Variants in CENATAC observed in about 807,000 individuals in gnomAD.
CENATAC encodes the protein coiled-coil domain containing 84.
In CENATAC, 53 loss-of-function variants were observed where a neutral mutation model predicts 53.7. The observed-to-expected ratio is 0.99, with a 90% confidence interval of 0.79 to 1.24. CENATAC has a LOEUF of 1.24. Among genes scored for constraint, CENATAC ranks in the 50% most tolerant of loss-of-function variants. The pLI, the probability that CENATAC is intolerant of heterozygous loss-of-function variation, is 0.00. For synonymous variants in CENATAC, 156 were observed against 144.6 expected (o/e 1.08, Z -0.57); for missense variants, 474 against 417.8 (o/e 1.13, Z -1.17).
intron 3 of CENATAC, 43 bp downstream of exon 3, chr11:118,999,152 C>T (rs782303233): frequency 1.4e-6 from 2 of 1,453,748 alleles, no homozygotes; most frequent in South Asian, 1.1e-5. Flanking sequence ...AGTGAATTCT[C>T]TGGATCTTTG....
intron 3 of CENATAC, among the ~76,000 whole-genome samples, chr11:119,000,450 T>C (rs549601223): frequency 6.6e-6 from 1 of 152,026 alleles, no homozygotes; most frequent in Admixed American, 6.6e-5. Flanking sequence ...TTTTTTTTTT[T>C]TTTTTACAGT....
At chr11:119,013,517 G>A (rs553329092) in intron 8 of CENATAC, among the ~76,000 whole-genome samples, 2 of 148,912 alleles carry the variant, frequency 1.3e-5, no homozygotes, top group African/African-American at 5.0e-5. Context: ...AGGCTGGAGT[G>A]CAGTGGCGGG....
chr11:119,013,495 G>A (rs1377392881), intron 8 of CENATAC, among the ~76,000 whole-genome samples: 41 of 134,796 alleles, frequency 3.0e-4, no homozygotes, highest in Non-Finnish European at 4.5e-4. Context: ...ACGGAGTCTC[G>A]CTCTGTCGCC....
intron 8 of CENATAC, 29 bp downstream of exon 8, chr11:119,013,291 C>T (rs1201230978): frequency 2.5e-6 from 4 of 1,582,420 alleles, no homozygotes; most frequent in African/African-American, 1.4e-5. Context: ...TTTTTAAAAC[C>T]CTGGGAGATT....
intron 8 of CENATAC, among the ~76,000 whole-genome samples, 184 bp downstream of exon 8, chr11:119,013,446 C>T (rs567552001): frequency 6.7e-6 from 1 of 150,368 alleles, no homozygotes; most frequent in Non-Finnish European, 1.5e-5. Context: ...CAGGTGTGCA[C>T]CACCACACCC....
At chr11:119,003,621 CTTTTT>C (rs138779092) in intron 3 of CENATAC, 64 of 129,080 alleles carry the variant, frequency 5.0e-4, no homozygotes, top group Non-Finnish European at 7.7e-4. Context: ...ATTTCTCTCT[CTTTTT>C]TTTTTTTTTT....
intron 3 of CENATAC, among the ~76,000 whole-genome samples, chr11:119,006,982 T>C (rs1284713752): frequency 2.0e-5 from 3 of 152,224 alleles, no homozygotes; most frequent in Admixed American, 1.3e-4. Context: ...CATGGAACTG[T>C]GTGAGTCTAT....
intron 4 of CENATAC, 136 bp downstream of exon 4, chr11:119,010,966 A>C: frequency 1.3e-6 from 1 of 765,858 alleles, no homozygotes; most frequent in South Asian, 1.6e-5. Flanking sequence ...CAGGCACTAG[A>C]TTCTCATAAG....
intron 4 of CENATAC, 88 bp from the exon 5 acceptor site, chr11:119,011,133 G>C (rs782457714): frequency 1.4e-5 from 16 of 1,147,320 alleles, no homozygotes; most frequent in Middle Eastern, 4.3e-4. Context: ...TCCACGCCTG[G>C]GGGTGGAGGG....
At chr11:119,014,540 G>GAA (rs1194602139) in intron 8 of CENATAC, 1 of 152,412 alleles carries the variant, frequency 6.6e-6, no homozygotes, top group Non-Finnish European at 1.5e-5. Context: ...AGCTGAGATT[G>GAA]TGTCCAGCCT....
Position 119,015,660 on chromosome 11 carries a change from T to C in CENATAC, c.*62T>C. On this transcript the variant is annotated 3_prime_UTR_variant, in exon 11 of 11. Transcript: ENST00000334418. ...AAGTCAACAAACCCCTATTATACCT[T>C]CCACCAAATTCTTTATCATTGTCTT... 1.3e-6 allele frequency: 2 copies of C among 1,498,186 alleles called. No individual in the cohort carries two copies. Among genetic ancestry groups the C allele is most frequent in the East Asian group, 2.3e-5 (1 of 44,018 alleles). 92.8% of individuals were successfully genotyped at this position (1,498,186 alleles called of 1,614,324 possible).
chr11:118,998,396 C>T (rs201552102), intron 1 of CENATAC, 34 bp from the exon 2 acceptor site: 1 of 1,612,080 alleles, frequency 6.2e-7, no homozygotes, highest in Non-Finnish European at 8.5e-7. Flanking sequence ...TTTGGGGGTC[C>T]CCCTCGGGGT....
chr11:119,014,384 C>T (rs1270408276), intron 8 of CENATAC: 1 of 152,246 alleles, frequency 6.6e-6, no homozygotes, highest in Non-Finnish European at 1.5e-5. Flanking sequence ...GAGTTCAAGA[C>T]CAGTTTGGCC....
At chr11:119,009,597 C>A (rs1942771552) in intron 3 of CENATAC, 1 of 152,248 alleles carries the variant, frequency 6.6e-6, no homozygotes, top group Non-Finnish European at 1.5e-5. Context: ...ATAGCAGCTT[C>A]TGGCAGACCT....
intron 3 of CENATAC, among the ~76,000 whole-genome samples, chr11:119,000,690 G>C (rs1471580720): frequency 6.6e-6 from 1 of 151,986 alleles, no homozygotes; most frequent in Non-Finnish European, 1.5e-5. Flanking sequence ...TGGCGAGGCA[G>C]AGGTTGCAGT....
chr11:119,003,163 C>T (rs1942400448), intron 3 of CENATAC: 1 of 430,726 alleles, frequency 2.3e-6, no homozygotes, highest in Middle Eastern at 7.3e-4. Flanking sequence ...TTAACATTCA[C>T]AGTGAACACA....
At chr11:119,008,874 TGTAA>T (rs1223502565) in intron 3 of CENATAC, among the ~76,000 whole-genome samples, 10 of 152,152 alleles carry the variant, frequency 6.6e-5, no homozygotes, top group Admixed American at 3.9e-4. Flanking sequence ...ATGTACTGCT[TGTAA>T]GTATTTTGTT....
chr11:119,005,054 C>A (rs1162078547), intron 3 of CENATAC, among the ~76,000 whole-genome samples: 1 of 148,724 alleles, frequency 6.7e-6, no homozygotes, highest in Non-Finnish European at 1.5e-5. Context: ...AGCAAAATAC[C>A]CTGTCTCAAA....
rs1942126205 is a variant in CENATAC, at chr11:118,998,514, T to A, written c.205T>A (p.Cys69Ser). The A allele has an allele frequency of 6.2e-7, 1 of 1,611,024 alleles. No homozygotes were observed. Among genetic ancestry groups the A allele is most frequent in the Non-Finnish European group, 8.5e-7 (1 of 1,178,710 alleles). Reference protein sequence around the residue: ...EHERCCWCLCCGCEVREHLSH... With the variant: ...EHERCCWCLCSGCEVREHLSH... Reference sequence around the variant, plus strand: ...CGAGCGATGCTGCTGGTGCCTGTGCTGCGGCTGTGAGGTGCGGGAACACCT... The same window carrying A: ...CGAGCGATGCTGCTGGTGCCTGTGCAGCGGCTGTGAGGTGCGGGAACACCT... Residue 69 changes from cysteine to serine, a missense_variant, in exon 2 of 11, where the codon TGC becomes AGC. Cys to Ser is a moderately radical substitution (Grantham distance 112). Coordinates refer to ENST00000334418, the MANE Select transcript of CENATAC (RefSeq NM_198489.3).
Sources: allele counts gnomAD v4.1 joint callset (sites outside exome capture counted in the v4.1 genomes callset), GRCh38; gene constraint gnomAD v4.1.1; transcripts MANE v1.5; gene names NCBI Gene and HGNC (gene_info 2026-07-23, HGNC 2026-07-21).